Variants in ZFYVE26 observed in about 807,000 individuals in gnomAD.
The protein encoded by ZFYVE26 is zinc finger FYVE domain-containing protein 26.
A neutral mutation model predicts 276.5 loss-of-function variants in ZFYVE26; 181 were observed. The ratio of observed to expected loss-of-function variants is 0.65; its 90% CI spans 0.58 to 0.74. The LOEUF (loss-of-function observed/expected upper bound fraction) is 0.74, where lower values mean the gene tolerates loss of function less well. Among genes scored for constraint, ZFYVE26 ranks in the 30% least tolerant of loss-of-function variants. The pLI is 0.00. For missense variants in ZFYVE26, 2,821 were observed against 3,097.9 expected (o/e 0.91, Z 2.12); for synonymous variants, 1,129 against 1,203.1 (o/e 0.94, Z 1.27).
At chr14:67,753,897 T>G in intron 38 of ZFYVE26, 131 bp from the exon 39 acceptor site, 1 of 1,477,136 alleles carries the variant, frequency 6.8e-7, no homozygotes, top group Non-Finnish European at 9.4e-7. Context: ...TGCCAGGCAC[T>G]AGGGATATAA....
chr14:67,787,546 T>C (rs2039689708), intron 16 of ZFYVE26, among the ~76,000 whole-genome samples: 1 of 152,150 alleles, frequency 6.6e-6, no homozygotes, highest in African/African-American at 2.4e-5. Context: ...TTGTTAAGCA[T>C]TGTGTGCCTG....
rs760252900 is a variant in ZFYVE26 at position 67,786,227 on chromosome 14, C to T, written c.3026G>A (p.Arg1009Gln). The part of the protein sequence containing the change: ...LNSSLERRGR[R>Q]IDHVLLNADG... ...AGCATTTAGGAGTACGTGGTCTATC[C>T]GTCGACCTGGAAATAGATGAAGGAA... Residue 1009 changes from arginine (R) to glutamine (Q), a missense_variant, in exon 17 of 42, where the codon CGG becomes CAG. Coordinates refer to ENST00000347230, the MANE Select transcript of ZFYVE26 (RefSeq NM_015346.4). 7.4e-6 allele frequency: 10 copies of T among 1,350,222 alleles called. No individual in the cohort carries two copies. The highest frequency in any genetic ancestry group is 6.5e-5 in the African/African-American group (4 of 61,866). 83.6% of individuals were successfully genotyped at this position (1,350,222 alleles called of 1,614,324 possible). A position where few individuals can be genotyped will look rare whatever the true frequency, so the allele number is the denominator to read the frequency against.
chr14:67,798,424 A>C lies in ZFYVE26; in HGVS notation c.1838T>G (p.Leu613Trp), dbSNP rs758520387. The change falls in exon 11 of 42, where the codon TTG becomes TGG. Residue 613 changes from leucine to tryptophan, a missense_variant. Physicochemically the swap from Leu to Trp is moderately conservative, Grantham distance 61 (BLOSUM62 -2). Transcript: ENST00000347230. ...CTGAGGGCTCTCTGATGGGGACCTC[A>C]AACCTGAGGGGCTCTTCCCCTCAAT... is the stretch of plus-strand genomic sequence containing the variant. Reference protein sequence around the residue: ...DDIEGKSPSGLRSPSESPQHI... With the variant: ...DDIEGKSPSGWRSPSESPQHI... The C allele has an allele frequency of 2.5e-6, 4 of 1,613,718 alleles. No individual in the cohort carries two copies. Among genetic ancestry groups the C allele is most frequent in the African/African-American group, 2.7e-5 (2 of 75,036 alleles).
chr14:67,783,288 G>A lies in ZFYVE26; in HGVS notation c.3864C>T (p.Pro1288=). 6.2e-7 allele frequency: 1 copy of A among 1,613,520 alleles called. No homozygotes were observed. The highest frequency in any genetic ancestry group is 1.7e-5 in the Admixed American group (1 of 60,004). ...GTGATGAGTCCCTTGGGGAGGAGTA[G>A]GGCTTTCTTTCCAATGTAGGGTTCT... The part of the protein sequence containing the change: ...TTENPTLERK[P]YSSPRDSSLP... Residue 1288 remains proline, a synonymous_variant, in exon 21 of 42, where the codon CCC becomes CCT. Coordinates refer to ENST00000347230, the MANE Select transcript of ZFYVE26 (RefSeq NM_015346.4).
chr14:67,794,147 G>A lies in ZFYVE26; in HGVS notation c.2401+24C>T, dbSNP rs17104681. ...TATCAGGGCAAAGCTGCTCAAAGTTGGCAACTGGTGGAAATCTGCATACCT... is the reference window on the plus strand; with the variant it reads ...TATCAGGGCAAAGCTGCTCAAAGTTAGCAACTGGTGGAAATCTGCATACCT... On this transcript the variant is annotated intron_variant, in intron 13 of 41. Coordinates refer to ENST00000347230, the MANE Select transcript of ZFYVE26 (RefSeq NM_015346.4). The A allele has an allele frequency of 0.015, 24,845 of 1,612,232 alleles. 340 individuals are homozygous for A. Among genetic ancestry groups the A allele is most frequent in the East Asian group, 0.06 (2,681 of 44,876 alleles).
rs774809466 is a variant in ZFYVE26 at position 67,783,020 on chromosome 14, G to T, written c.4132C>A (p.Arg1378=). 1 of 1,614,132 alleles carries T rather than the reference G, an allele frequency of 6.2e-7. No individual in the cohort carries two copies. Among genetic ancestry groups the T allele is most frequent in the South Asian group, 1.1e-5 (1 of 91,074 alleles). ...CTCTGCCCCTGCTGCAAAGACCCTC[G>T]CAGGGGCTCCCAGGCAGCCAGGAGG... The part of the protein sequence containing the change: ...AFLLAAWEPL[R]GSLQQGQSLA... Residue 1378 remains arginine (R), a synonymous_variant, in exon 21 of 42, where the codon CGA becomes AGA. Coordinates refer to ENST00000347230, the MANE Select transcript of ZFYVE26 (RefSeq NM_015346.4).
At chr14:67,729,935 CA>C in intron 13 of ZFYVE26, 1 of 409,650 alleles carries the variant, frequency 2.4e-6, no homozygotes, top group Middle Eastern at 4.4e-4. Flanking sequence ...CATTCCATGA[CA>C]GAATCCAGCC....
At chr14:67,765,198 T>G (rs181903989) in intron 32 of ZFYVE26, among the ~76,000 whole-genome samples, 1 of 152,356 alleles carries the variant, frequency 6.6e-6, no homozygotes, top group East Asian at 1.9e-4. Flanking sequence ...TCCTTTTCAC[T>G]TCCTTCTACT....
Position 67,754,154 on chromosome 14 carries a change from T to C in ZFYVE26, c.7045A>G (p.Ser2349Gly). ...GTGGTGATTTGAGAGGTCCCAGCAC[T>C]TTCGCACCGATGCAAGAACCTGGTC... ...EVTRFLHRCESAGTSQITTLP... is the reference protein window; with the variant it reads ...EVTRFLHRCEGAGTSQITTLP... The change falls in exon 38 of 42, where the codon AGT (serine) becomes GGT (glycine). Residue 2349 changes from serine to glycine, a missense_variant. Ser to Gly is a moderately conservative substitution (Grantham distance 56, BLOSUM62 0). Transcript: ENST00000347230. 6.2e-7 allele frequency: 1 copy of C among 1,614,242 alleles called. No individual in the cohort carries two copies. The highest frequency in any genetic ancestry group is 2.2e-5 in the East Asian group (1 of 44,890).
At chr14:67,815,444 G>C (rs2040382476) in intron 2 of ZFYVE26, 2 of 374,012 alleles carry the variant, frequency 5.3e-6, no homozygotes, top group Non-Finnish European at 1.0e-5. Context: ...AGCAAGAAGA[G>C]AGCAGGGTTT....
intron 9 of ZFYVE26, among the ~76,000 whole-genome samples, chr14:67,803,440 CA>C (rs2040117161): frequency 6.6e-6 from 1 of 152,156 alleles, no homozygotes; most frequent in African/African-American, 2.4e-5. Flanking sequence ...CTCCCGGGTT[CA>C]AGTGATTCTC....
At chr14:67,759,622 CA>C (rs10687512) in intron 35 of ZFYVE26, among the ~76,000 whole-genome samples, 4,631 of 106,944 alleles carry the variant, frequency 0.043, 181 homozygotes, top group East Asian at 0.17. Flanking sequence ...GACTCTGGCT[CA>C]AAAAAAAAAA....
Position 67,793,711 on chromosome 14 carries a change from A to T in ZFYVE26, c.2450T>A (p.Leu817Ter). ...GAGTGAACTTTGAGGATGGGGGTGC[A>T]ATCTACTGTGCAGCTCATTCCGGCC... ...MSGRNELHSRLHPHPQSSLIP... is the reference protein window; with the variant it reads ...MSGRNELHSR The change falls in exon 14 of 42, where the codon TTG becomes TAG. Residue 817 changes from leucine to a stop codon, truncating the protein, a stop_gained. Transcript: ENST00000347230. LOFTEE classifies it high-confidence loss of function. 3.7e-6 allele frequency: 6 copies of T among 1,613,814 alleles called. No homozygotes were observed. Among genetic ancestry groups the T allele is most frequent in the Non-Finnish European group, 5.1e-6 (6 of 1,179,822 alleles).
In ZFYVE26 at chr14:67,778,187, C is replaced by G; in HGVS notation, c.4736G>C (p.Ser1579Thr). 1 of 1,614,160 alleles carries G rather than the reference C, an allele frequency of 6.2e-7. No homozygotes were observed. The highest frequency in any genetic ancestry group is 8.5e-7 in the Non-Finnish European group (1 of 1,180,028). ...GTGGAGAAGATGCTTTTGATGAAGGCTGATTAAATGTTCTCTTGGAATGGG... is the reference window on the plus strand; with the variant it reads ...GTGGAGAAGATGCTTTTGATGAAGGGTGATTAAATGTTCTCTTGGAATGGG... Reference protein sequence around the residue: ...LYPIPREHLISLHQKHLLHLL... With the variant: ...LYPIPREHLITLHQKHLLHLL... Residue 1579 changes from serine (S) to threonine (T), a missense_variant, in exon 24 of 42, where the codon AGC becomes ACC. Coordinates refer to ENST00000347230, the MANE Select transcript of ZFYVE26 (RefSeq NM_015346.4).
intron 4 of ZFYVE26, 90 bp from the exon 5 acceptor site, chr14:67,808,010 A>T (rs2040221742): frequency 1.4e-6 from 2 of 1,475,762 alleles, no homozygotes; most frequent in Admixed American, 1.8e-5. Flanking sequence ...TTTTCAGTTT[A>T]CTTATATAAT....
Position 67,772,367 on chromosome 14 carries a change from C to A in ZFYVE26, c.5321-157G>T, listed in dbSNP as rs1467106298. 7.2e-5 allele frequency among the ~76,000 whole-genome samples: 11 copies of A among 152,332 alleles called. No homozygotes were observed. The East Asian group carries it at 1.5e-3, about 21-fold the overall frequency. On this transcript the variant is annotated intron_variant, in intron 27 of 41. Transcript: ENST00000347230. ...GACTGTTTGTGTCATAAAAGAGAGACAACTGAACATTGTGTGCCTCCTGAT... is the reference window on the plus strand; with the variant it reads ...GACTGTTTGTGTCATAAAAGAGAGAAAACTGAACATTGTGTGCCTCCTGAT...
intron 41 of ZFYVE26, 174 bp downstream of exon 41, chr14:67,750,878 A>G (rs1010461237): frequency 5.0e-6 from 4 of 792,506 alleles, no homozygotes; most frequent in Admixed American, 2.0e-5. Flanking sequence ...CCTGCTCCTC[A>G]TCTATTCCCT....
At chr14:67,781,754 T>G (rs141519749) in intron 21 of ZFYVE26, among the ~76,000 whole-genome samples, 5 of 152,018 alleles carry the variant, frequency 3.3e-5, no homozygotes, top group South Asian at 2.1e-4. Flanking sequence ...AACCTGATAA[T>G]AGCCATGAGA....
In ZFYVE26 at chr14:67,811,029, A is replaced by G. The variant is rs553086860; in HGVS notation, c.274-1740T>C. On this transcript the variant is annotated intron_variant, in intron 3 of 41. Coordinates refer to ENST00000347230, the MANE Select transcript of ZFYVE26 (RefSeq NM_015346.4). ...TTGGTCCAAAATCTTATTTCTTCTA[A>G]CCATGTACTTCCCTAATATGTGCAT... Among the ~76,000 whole-genome samples, 30 of 152,220 alleles carry G rather than the reference A, an allele frequency of 2.0e-4. No homozygotes were observed. The South Asian group carries it at 5.6e-3, about 28-fold the overall frequency.
Sources: gnomAD v4.1 joint callset for allele counts (sites outside exome capture counted in the v4.1 genomes callset) on GRCh38, gnomAD v4.1.1 for gene constraint, MANE v1.5 for transcripts, NCBI Gene and HGNC (gene_info 2026-07-23, HGNC 2026-07-21) for gene names.